The following MAU2 variants were observed in gnomAD, a reference collection of about 807,000 sequenced individuals.
MAU2 encodes the protein MAU2 chromatid cohesion factor homolog.
MAU2 carries 9 observed loss-of-function variants against 89.1 expected under a neutral mutation model. The ratio of observed to expected loss-of-function variants is 0.10; its 90% CI spans 0.06 to 0.18. MAU2 has a LOEUF of 0.18. MAU2 is among the 10% of genes least tolerant of loss of function. The pLI is 1.00. For synonymous variants in MAU2, 357 were observed against 343.4 expected, an observed-to-expected ratio of 1.04 and a Z score of -0.44; for missense variants, 425 against 803.5, an observed-to-expected ratio of 0.53 and a Z score of 5.69.
intron 5 of MAU2, 124 bp downstream of exon 5, chr19:19,339,063 A>C: frequency 1.3e-6 from 1 of 759,628 alleles, no homozygotes; most frequent in Non-Finnish European, 2.1e-6. Flanking sequence ...GTATATTCCC[A>C]GCACTTTGGA....
Position 19,342,768 on chromosome 19 carries a change from GT to G in MAU2, c.883-7del. 1 of 1,614,024 alleles carries G rather than the reference GT, an allele frequency of 6.2e-7. No individual in the cohort carries two copies. The highest frequency in any genetic ancestry group is 8.5e-7 in the Non-Finnish European group (1 of 1,179,970). ...CTGGTAACCCCTGCTGTCTGGTCTT[GT>G]CGCTAGGTGACTGTGATGCACTCCA... On this transcript the variant is annotated splice_polypyrimidine_tract_variant and splice_region_variant and intron_variant, in intron 8 of 18. Coordinates refer to ENST00000262815, the MANE Select transcript of MAU2 (RefSeq NM_015329.4).
intron 3 of MAU2, 33 bp from the exon 4 acceptor site, chr19:19,337,137 C>G: frequency 9.3e-7 from 1 of 1,075,032 alleles, no homozygotes; most frequent in Non-Finnish European, 1.3e-6. Flanking sequence ...TTTTTTTTTT[C>G]TTACATTCCC....
Position 19,356,233 on chromosome 19 carries a change from G to T in MAU2, c.*451G>T. 2.8e-6 allele frequency: 1 copy of T among 356,894 alleles called. No individual in the cohort carries two copies. The highest frequency in any genetic ancestry group is 1.0e-3 in the Middle Eastern group (1 of 990). 22.1% of individuals were successfully genotyped at this position (356,894 alleles called of 1,614,324 possible). On this transcript the variant is annotated 3_prime_UTR_variant, in exon 19 of 19. Transcript: ENST00000262815. ...TGCTCAAGGCAATTTCCAGAGCCCGGATGCCAGTTTCTGGCCTGAATTTGG... is the reference window on the plus strand; with the variant it reads ...TGCTCAAGGCAATTTCCAGAGCCCGTATGCCAGTTTCTGGCCTGAATTTGG...
intron 1 of MAU2, among the ~76,000 whole-genome samples, chr19:19,326,089 C>T (rs2061502199): frequency 1.3e-5 from 2 of 151,420 alleles, no homozygotes; most frequent in Admixed American, 6.6e-5. Context: ...TAACCTCCGC[C>T]CTCCGGGTTC....
At chr19:19,334,776 C>T (rs2061582968) in intron 1 of MAU2, among the ~76,000 whole-genome samples, 1 of 152,204 alleles carries the variant, frequency 6.6e-6, no homozygotes, top group African/African-American at 2.4e-5. Context: ...CCTGGAGCAC[C>T]TCCTGCTCCC....
intron 13 of MAU2, chr19:19,348,655 C>T (rs1388279317): frequency 1.6e-6 from 1 of 632,216 alleles, no homozygotes; most frequent in Non-Finnish European, 2.8e-6. Context: ...GACGCCCAGG[C>T]CCCTGTCACC....
rs1001836297 is a variant in MAU2 at position 19,321,025 on chromosome 19, C to T, written c.166C>T (p.Pro56Ser). ...CGTGCACTGCCTGCAGGCCGTGTTCCCCTTCAAGCCGCCGCAGCGCATCGA... is the reference window on the plus strand; with the variant it reads ...CGTGCACTGCCTGCAGGCCGTGTTCTCCTTCAAGCCGCCGCAGCGCATCGA... Reference protein sequence around the residue: ...LCVHCLQAVFPFKPPQRIEAR... With the variant: ...LCVHCLQAVFSFKPPQRIEAR... The change falls in exon 1 of 19, where the codon CCC (proline) becomes TCC (serine). Residue 56 changes from proline (P) to serine (S), a missense_variant. Pro to Ser is a moderately conservative substitution (Grantham distance 74). This residue lies in a region of MAU2 where 57 missense variants were observed against 57.5 expected (regional missense o/e 0.99). Coordinates refer to ENST00000262815, the MANE Select transcript of MAU2 (RefSeq NM_015329.4). 14 of 1,612,424 alleles carry T rather than the reference C, an allele frequency of 8.7e-6. No homozygotes were observed. Among genetic ancestry groups the T allele is most frequent in the Non-Finnish European group, 1.2e-5 (14 of 1,179,350 alleles).
rs1183581468 is a variant in MAU2, at chr19:19,349,470, G to A, written c.1548+34G>A. The A allele has an allele frequency of 2.5e-6, 4 of 1,585,036 alleles. No homozygotes were observed. In the Admixed American group the frequency reaches 5.0e-5, roughly 20 times the overall value. On this transcript the variant is annotated intron_variant, in intron 16 of 18. Coordinates refer to ENST00000262815, the MANE Select transcript of MAU2 (RefSeq NM_015329.4). ...CCTGGCCTGGGCCCCTCGCTTGGGT[G>A]CCTGTGGGGCTTGGCTGAGGGACAG... is the stretch of plus-strand genomic sequence containing the variant.
At chr19:19,354,746 A>G (rs1254943823) in intron 17 of MAU2, 1 of 460,422 alleles carries the variant, frequency 2.2e-6, no homozygotes, top group Non-Finnish European at 4.0e-6. Flanking sequence ...CTTCCCGGAA[A>G]GGCAGACAGC....
In MAU2 at chr19:19,350,089, G is replaced by A. The variant is rs189677796; in HGVS notation, c.1548+653G>A. 1.7e-4 allele frequency among the ~76,000 whole-genome samples: 25 copies of A among 150,582 alleles called. No homozygotes were observed. The East Asian group carries it at 4.9e-3, about 30-fold the overall frequency. On this transcript the variant is annotated intron_variant, in intron 16 of 18. Coordinates refer to ENST00000262815, the MANE Select transcript of MAU2 (RefSeq NM_015329.4). ...GCGGGCAGATCACCTGAGGTCAGGAGTTCAAGACCAGCCTAGCCAACATAG... is the reference window on the plus strand; with the variant it reads ...GCGGGCAGATCACCTGAGGTCAGGAATTCAAGACCAGCCTAGCCAACATAG...
intron 9 of MAU2, among the ~76,000 whole-genome samples, chr19:19,343,584 G>A (rs1258692586): frequency 1.3e-5 from 2 of 152,116 alleles, no homozygotes; most frequent in African/African-American, 4.8e-5. Flanking sequence ...GAGCACGTAG[G>A]GTGAGGGTGA....
intron 16 of MAU2, among the ~76,000 whole-genome samples, chr19:19,350,297 GA>G (rs60619538): frequency 6.1e-5 from 8 of 130,348 alleles, no homozygotes; most frequent in Admixed American, 7.8e-5. Flanking sequence ...CTCTGTCTCA[GA>G]AAAAAAAAAA....
In MAU2 at chr19:19,341,365, C is replaced by T. The variant is rs1253306814; in HGVS notation, c.693C>T (p.Phe231=). The stretch of plus-strand genomic sequence containing the variant: ...TCCAGAAGGAGTCGCTGCGTGTCTT[C>T]TTCCTGGTGCTCCAGGTCACCCACT... The part of the protein sequence containing the change: ...NPIQKESLRV[F]FLVLQVTHYL... Residue 231 remains phenylalanine (F), a synonymous_variant, in exon 7 of 19, where the codon TTC becomes TTT. Transcript: ENST00000262815. The T allele has an allele frequency of 8.1e-6, 13 of 1,613,866 alleles. No homozygotes were observed. The highest frequency in any genetic ancestry group is 1.0e-5 in the Non-Finnish European group (12 of 1,180,032).
chr19:19,326,074 C>A (rs1228660534), intron 1 of MAU2, among the ~76,000 whole-genome samples: 1 of 144,582 alleles, frequency 6.9e-6, no homozygotes, highest in East Asian at 2.1e-4. Context: ...AATCTCAAAT[C>A]ATTGTAACCT....
chr19:19,350,469 T>C (rs2061733705), intron 16 of MAU2, among the ~76,000 whole-genome samples: 1 of 151,120 alleles, frequency 6.6e-6, no homozygotes, highest in African/African-American at 2.4e-5. Flanking sequence ...CCAGGTGTGG[T>C]GGCACACATC....
intron 1 of MAU2, among the ~76,000 whole-genome samples, chr19:19,325,316 C>T (rs1463857500): frequency 6.6e-6 from 1 of 151,962 alleles, no homozygotes; most frequent in Admixed American, 6.6e-5. Flanking sequence ...GCTGGGATTA[C>T]AGGCGCCCAC....
intron 1 of MAU2, among the ~76,000 whole-genome samples, chr19:19,323,016 G>A (rs1053125318): frequency 3.3e-5 from 5 of 152,042 alleles, no homozygotes; most frequent in Non-Finnish European, 7.4e-5. Flanking sequence ...TCAGCCTCCC[G>A]AGTAGCTGGG....
intron 1 of MAU2, among the ~76,000 whole-genome samples, chr19:19,333,326 A>G (rs186437707): frequency 3.6e-4 from 55 of 152,270 alleles, no homozygotes; most frequent in Non-Finnish European, 6.9e-4. Flanking sequence ...CTCTACAAAA[A>G]ATAAAAAAAA....
chr19:19,328,361 G>A (rs180940831), intron 1 of MAU2, among the ~76,000 whole-genome samples: 3 of 151,168 alleles, frequency 2.0e-5, no homozygotes, highest in Non-Finnish European at 2.9e-5. Context: ...GATCCATCTT[G>A]GTCATTTGGA....
Sources: allele counts gnomAD v4.1 joint callset (sites outside exome capture counted in the v4.1 genomes callset), GRCh38; gene constraint gnomAD v4.1.1; regional missense constraint gnomAD v4.1.1; transcripts MANE v1.5; gene names NCBI Gene and HGNC (gene_info 2026-07-23, HGNC 2026-07-21).